The following BEND4 variants were observed in gnomAD, a reference collection of about 807,000 sequenced individuals.
BEND4 encodes the protein BEN domain-containing protein 4.
In BEND4, 27 loss-of-function variants were observed where a neutral mutation model predicts 54.7. The observed-to-expected ratio is 0.49, with a 90% CI of 0.36 to 0.68. BEND4 has a LOEUF of 0.68. Ranked by LOEUF, BEND4 falls within the 30% of genes least tolerant of loss-of-function variation. The pLI is 0.00. For synonymous variants in BEND4, 327 were observed against 299.5 expected (o/e 1.09, Z -0.95); for missense variants, 702 against 697.2 (o/e 1.01, Z -0.08).
intron 5 of BEND4, among the ~76,000 whole-genome samples, chr4:42,117,980 AC>A (rs1719912758): frequency 6.6e-6 from 1 of 152,144 alleles, no homozygotes; most frequent in African/African-American, 2.4e-5. Flanking sequence ...CCTCTAAGGA[AC>A]ATTTGCTGTT....
chr4:42,128,210 G>A (rs1940117713), intron 3 of BEND4, among the ~76,000 whole-genome samples: 1 of 152,184 alleles, frequency 6.6e-6, no homozygotes, highest in Non-Finnish European at 1.5e-5. Context: ...TATAATAAGA[G>A]TCATTCACGA....
rs1039197448 is a variant in BEND4, at chr4:42,113,114, G to C, written c.*4404C>G. The stretch of plus-strand genomic sequence containing the variant: ...ATGTTTTGCCAAACAGTTCTGGCAC[G>C]TGTTGCCACATTAAACATACACCAG... On this transcript the variant is annotated 3_prime_UTR_variant, in exon 6 of 6. Transcript: ENST00000502486. 10 of 152,174 alleles carry C rather than the reference G, an allele frequency of 6.6e-5. No homozygotes were observed. The highest frequency in any genetic ancestry group is 2.9e-5 in the Non-Finnish European group (2 of 68,022). 9.4% of individuals were successfully genotyped at this position (152,174 alleles called of 1,614,324 possible). A position where few individuals can be genotyped will look rare whatever the true frequency, so the allele number is the denominator to read the frequency against.
chr4:42,125,709 C>T, intron 3 of BEND4, 35 bp from the exon 4 acceptor site: 1 of 1,336,276 alleles, frequency 7.5e-7, no homozygotes, highest in Non-Finnish European at 1.0e-6. Context: ...TACACATTGG[C>T]TATCCCGTAA....
chr4:42,130,287 C>A (rs543834824), intron 3 of BEND4, among the ~76,000 whole-genome samples: 1 of 151,882 alleles, frequency 6.6e-6, no homozygotes, highest in Non-Finnish European at 1.5e-5. Context: ...GAGACCATCC[C>A]AGCTAACACG....
Position 42,125,563 on chromosome 4 carries a change from C to T in BEND4, c.1146+20G>A. On this transcript the variant is annotated intron_variant, in intron 4 of 5. Transcript: ENST00000502486. ...AAGAGAATTCCAAATGGAACATTCA[C>T]CTTTTTACCAGAGACCTACCTCTGT... 1 of 1,583,274 alleles carries T rather than the reference C, an allele frequency of 6.3e-7. No homozygotes were observed.
At chr4:42,130,192 A>T (rs1720453880) in intron 3 of BEND4, among the ~76,000 whole-genome samples, 1 of 152,188 alleles carries the variant, frequency 6.6e-6, no homozygotes, top group African/African-American at 2.4e-5. Flanking sequence ...AATCAAAACC[A>T]CAATGAGGCT....
At chr4:42,117,789 T>C in intron 5 of BEND4, 54 bp from the exon 6 acceptor site, 2 of 1,269,112 alleles carry the variant, frequency 1.6e-6, no homozygotes, top group South Asian at 2.8e-5. Context: ...CAGCTGGTTT[T>C]TGCAGAAGAT....
rs1234701279 is a variant in BEND4, at chr4:42,113,002, C to G, written c.*4516G>C. ...CTTACATGACTGAAAGCAGCCATCA[C>G]TATGTTTACAAAAATACATCATAAT... On this transcript the variant is annotated 3_prime_UTR_variant, in exon 6 of 6. Coordinates refer to ENST00000502486, the MANE Select transcript of BEND4 (RefSeq NM_207406.4). 6.6e-6 allele frequency: 1 copy of G among 152,172 alleles called. No homozygotes were observed. The highest frequency in any genetic ancestry group is 2.4e-5 in the African/African-American group (1 of 41,454). The allele number at this position is 152,172 out of a possible 1,614,324, so 9.4% of individuals were successfully genotyped here.
rs1245309957 is a variant in BEND4 at position 42,143,858 on chromosome 4, G to A, written c.624C>T (p.Tyr208=). ...TGTGACAGTGCTCCTGTCTTTCGTTGTAACTTGAGCCTTCCTGCTTTACGC... is the reference window on the plus strand; with the variant it reads ...TGTGACAGTGCTCCTGTCTTTCGTTATAACTTGAGCCTTCCTGCTTTACGC... The part of the protein sequence containing the change: ...ISCVKQEGSS[Y]NERQEHCHIG... The change falls in exon 3 of 6, where the codon TAC becomes TAT. Residue 208 remains tyrosine (Y), a synonymous_variant. Coordinates refer to ENST00000502486, the MANE Select transcript of BEND4 (RefSeq NM_207406.4). 1.3e-6 allele frequency: 2 copies of A among 1,557,536 alleles called. No individual in the cohort carries two copies. The highest frequency in any genetic ancestry group is 1.4e-5 in the African/African-American group (1 of 73,090).
intron 3 of BEND4, among the ~76,000 whole-genome samples, chr4:42,141,716 G>C (rs1274544581): frequency 1.3e-5 from 2 of 152,120 alleles, no homozygotes; most frequent in African/African-American, 4.8e-5. Flanking sequence ...ACACCAGCCT[G>C]GGCAGCAGAG....
chr4:42,139,193 AT>A lies in BEND4; in HGVS notation c.1054+4234del, dbSNP rs1038041239. 2.2e-4 allele frequency among the ~76,000 whole-genome samples: 33 copies of A among 152,332 alleles called. 1 individual carries two copies. Among genetic ancestry groups the A allele is most frequent in the Middle Eastern group, 3.4e-3 (1 of 294 alleles). ...TATAAAATTTCACTCTTTTCAAAAA[AT>A]TTAACTTCTAAACAGACTTTCTAAT... On this transcript the variant is annotated intron_variant, in intron 3 of 5. Coordinates refer to ENST00000502486, the MANE Select transcript of BEND4 (RefSeq NM_207406.4).
chr4:42,146,837 A>C (rs1721097142), intron 2 of BEND4, among the ~76,000 whole-genome samples: 3 of 152,210 alleles, frequency 2.0e-5, no homozygotes. Context: ...GGCTAGTAAG[A>C]ACTGCTTGAA....
intron 3 of BEND4, among the ~76,000 whole-genome samples, chr4:42,128,705 G>A (rs1720388848): frequency 6.6e-6 from 1 of 151,992 alleles, no homozygotes; most frequent in Non-Finnish European, 1.5e-5. Context: ...TCAAGGCCGG[G>A]TGCGGTGGCT....
intron 4 of BEND4, among the ~76,000 whole-genome samples, chr4:42,124,363 G>C (rs1720189027): frequency 6.6e-6 from 1 of 152,060 alleles, no homozygotes; most frequent in Non-Finnish European, 1.5e-5. Context: ...AAAAATAAGT[G>C]AACAAATAAA....
chr4:42,139,138 C>T (rs903727792), intron 3 of BEND4, among the ~76,000 whole-genome samples: 7 of 152,134 alleles, frequency 4.6e-5, no homozygotes, highest in Non-Finnish European at 5.9e-5. Flanking sequence ...ATTCCTGATC[C>T]AAAAGTCTTC....
At position 42,148,251 on chromosome 4, in the gene BEND4, T is replaced by A. The variant is rs55842929; in HGVS notation, c.487+3406A>T. 5.0e-3 allele frequency among the ~76,000 whole-genome samples: 760 copies of A among 152,320 alleles called. 5 individuals carry two copies. Among genetic ancestry groups the A allele is most frequent in the African/African-American group, 0.018 (731 of 41,580 alleles). ...TTAAATCAATGAACTATGTCTTTTTTAAAAAATGCCATCCAATTTTTTTCA... is the reference window on the plus strand; with the variant it reads ...TTAAATCAATGAACTATGTCTTTTTAAAAAAATGCCATCCAATTTTTTTCA... On this transcript the variant is annotated intron_variant, in intron 2 of 5. Coordinates refer to ENST00000502486, the MANE Select transcript of BEND4 (RefSeq NM_207406.4).
Position 42,114,340 on chromosome 4 carries a change from CA to C in BEND4, c.*3177del, listed in dbSNP as rs1719710567. 6.6e-6 allele frequency: 1 copy of C among 152,174 alleles called. No individual in the cohort carries two copies. Among genetic ancestry groups the C allele is most frequent in the Non-Finnish European group, 1.5e-5 (1 of 68,044 alleles). The allele number at this position is 152,174 out of a possible 1,614,324, so 9.4% of individuals were successfully genotyped here. On this transcript the variant is annotated 3_prime_UTR_variant, in exon 6 of 6. Transcript: ENST00000502486. ...AATTTGGAAAACACAGGACAGTTGTCACTTTTTGTAGGTATGGCTCTTCTGC... is the reference window on the plus strand; with the variant it reads ...AATTTGGAAAACACAGGACAGTTGTCCTTTTTGTAGGTATGGCTCTTCTGC...
chr4:42,119,852 T>C (rs1719990695), intron 5 of BEND4: 2 of 602,892 alleles, frequency 3.3e-6, no homozygotes, highest in South Asian at 3.9e-5. Context: ...TATGTACCAC[T>C]AAGAGAGAAC....
chr4:42,122,042 A>G (rs1344805460), intron 4 of BEND4, among the ~76,000 whole-genome samples: 1 of 152,000 alleles, frequency 6.6e-6, no homozygotes, highest in Non-Finnish European at 1.5e-5. Flanking sequence ...AGCGGGGGTG[A>G]AATCGGGGGG....
Sources: gnomAD v4.1 joint callset for allele counts (sites outside exome capture counted in the v4.1 genomes callset) on GRCh38, gnomAD v4.1.1 for gene constraint, MANE v1.5 for transcripts, NCBI Gene and HGNC (gene_info 2026-07-23, HGNC 2026-07-21) for gene names.